The following GSK3B variants were observed in gnomAD, a reference collection of about 807,000 sequenced individuals.
The protein encoded by GSK3B is glycogen synthase kinase-3 beta.
In GSK3B, 15 loss-of-function variants were observed where a neutral mutation model predicts 56.4. The observed-to-expected ratio is 0.27, with a 90% CI of 0.18 to 0.41. The LOEUF (loss-of-function observed/expected upper bound fraction) is 0.41. GSK3B is among the 10% of genes least tolerant of loss of function. The pLI, the probability that GSK3B is intolerant of heterozygous loss-of-function variation, is 1.00. For synonymous variants in GSK3B, 181 were observed against 188.9 expected, an observed-to-expected ratio of 0.96 and a Z score of 0.34; for missense variants, 300 against 513.4, an observed-to-expected ratio of 0.58 and a Z score of 4.02.
intron 1 of GSK3B, among the ~76,000 whole-genome samples, chr3:120,028,355 T>A (rs1487590081): frequency 6.6e-6 from 1 of 152,166 alleles, no homozygotes; most frequent in Non-Finnish European, 1.5e-5. Context: ...CTGAGACAGA[T>A]TTACCTCACG....
At chr3:120,054,077 T>C (rs1384386853) in intron 1 of GSK3B, among the ~76,000 whole-genome samples, 3 of 152,188 alleles carry the variant, frequency 2.0e-5, no homozygotes, top group Non-Finnish European at 4.4e-5. Context: ...GTAGCTGAAA[T>C]ATCATAAAGG....
At chr3:119,991,494 C>T (rs1046707554) in intron 2 of GSK3B, among the ~76,000 whole-genome samples, 3 of 136,792 alleles carry the variant, frequency 2.2e-5, no homozygotes, top group African/African-American at 8.2e-5. Context: ...CATTATCTCT[C>T]ATCTTTACTA....
intron 7 of GSK3B, among the ~76,000 whole-genome samples, chr3:119,897,793 CAAAA>C (rs11464173): frequency 1.4e-5 from 1 of 73,132 alleles, no homozygotes; most frequent in Non-Finnish European, 3.1e-5. Flanking sequence ...GACTCTGTCT[CAAAA>C]AAAAAAAAAA....
At chr3:120,039,967 C>T (rs1343441858) in intron 1 of GSK3B, among the ~76,000 whole-genome samples, 1 of 152,194 alleles carries the variant, frequency 6.6e-6, no homozygotes, top group Non-Finnish European at 1.5e-5. Context: ...TGCCTCGTTG[C>T]AGCAGCCTCA....
At chr3:120,086,109 C>T (rs1462597972) in intron 1 of GSK3B, among the ~76,000 whole-genome samples, 1 of 151,848 alleles carries the variant, frequency 6.6e-6, no homozygotes, top group Non-Finnish European at 1.5e-5. Context: ...GCTTAAATGA[C>T]TCCATGCAGT....
intron 4 of GSK3B, among the ~76,000 whole-genome samples, chr3:119,918,847 C>T (rs1330139429): frequency 1.3e-5 from 2 of 152,108 alleles, no homozygotes; most frequent in African/African-American, 4.8e-5. Context: ...TGCAGTTGAG[C>T]ACAATTTGAA....
chr3:119,927,785 C>CT (rs1351317713), intron 3 of GSK3B, among the ~76,000 whole-genome samples: 4 of 151,928 alleles, frequency 2.6e-5, no homozygotes, highest in Admixed American at 2.6e-4. Context: ...AAGGAAAGGA[C>CT]TGAGTATGGA....
At position 120,094,019 on chromosome 3, in the gene GSK3B, G is replaced by A. The variant is rs879110197; in HGVS notation, c.-585C>T. 4.5e-6 allele frequency: 1 copy of A among 221,162 alleles called. No homozygotes were observed. Among genetic ancestry groups the A allele is most frequent in the Middle Eastern group, 1.4e-3 (1 of 696 alleles). 13.7% of individuals were successfully genotyped at this position (221,162 alleles called of 1,614,324 possible). On this transcript the variant is annotated 5_prime_UTR_variant, in exon 1 of 11. Coordinates refer to ENST00000264235, the MANE Select transcript of GSK3B (RefSeq NM_001146156.2). ...GCCCGGCGAACTAGAGGGCGGCGGA[G>A]TCGCGAGTCAGTCAGAGGCGGGCGG...
At chr3:119,995,947 A>T (rs1241571362) in intron 2 of GSK3B, among the ~76,000 whole-genome samples, 3 of 152,068 alleles carry the variant, frequency 2.0e-5, no homozygotes, top group African/African-American at 4.8e-5. Flanking sequence ...CATGTTGGCC[A>T]GGCTGGTCTC....
chr3:119,948,110 A>C (rs925853680), intron 2 of GSK3B, among the ~76,000 whole-genome samples: 1 of 152,262 alleles, frequency 6.6e-6, no homozygotes, highest in African/African-American at 2.4e-5. Context: ...ACTGACAGAA[A>C]TCCACTTAAT....
In GSK3B at chr3:119,942,335, G is replaced by T. The variant is rs2057057830; in HGVS notation, c.366+4933C>A. ...TTTTTTGAGACGGAGTTTCACTGTT[G>T]TTGCCCAGGCTGGAGTACAATGGGG... On this transcript the variant is annotated intron_variant, in intron 3 of 10. Coordinates refer to ENST00000264235, the MANE Select transcript of GSK3B (RefSeq NM_001146156.2). 1.3e-5 allele frequency among the ~76,000 whole-genome samples: 2 copies of T among 152,010 alleles called. 1 individual carries two copies. Among genetic ancestry groups the T allele is most frequent in the South Asian group, 4.1e-4 (2 of 4,822 alleles).
intron 2 of GSK3B, among the ~76,000 whole-genome samples, chr3:119,978,026 G>C (rs964709341): frequency 6.6e-6 from 1 of 152,150 alleles, no homozygotes; most frequent in African/African-American, 2.4e-5. Context: ...GTGAAATTGA[G>C]GGTCATAAAT....
chr3:119,904,840 A>C (rs140167478), intron 7 of GSK3B, among the ~76,000 whole-genome samples: 232 of 152,198 alleles, frequency 1.5e-3, no homozygotes, highest in Middle Eastern at 3.4e-3. Context: ...TCAATTTTAC[A>C]ATTCTATGCA....
rs1162358136 is a variant in GSK3B at position 119,833,687 on chromosome 3, G to GTTTT, written c.1196-6833_1196-6832insAAAA. 1.1e-4 allele frequency among the ~76,000 whole-genome samples: 15 copies of GTTTT among 133,448 alleles called. 1 individual carries two copies. The highest frequency in any genetic ancestry group is 4.1e-4 in the African/African-American group (14 of 34,102). 87.5% of individuals were successfully genotyped at this position (133,448 alleles called of 152,430 possible). A position where few individuals can be genotyped will look rare whatever the true frequency, so the allele number is the denominator to read the frequency against. Reference sequence around the variant, plus strand: ...TTATAAGTACACTTGGAAACATTAGGTTGTTTTTTTTTTTTTTTTTTTTTT... The same window carrying GTTTT: ...TTATAAGTACACTTGGAAACATTAGGTTTTTTGTTTTTTTTTTTTTTTTTTTTTT... On this transcript the variant is annotated intron_variant, in intron 10 of 10. Transcript: ENST00000264235.
At chr3:120,082,963 A>C (rs1042131315) in intron 1 of GSK3B, among the ~76,000 whole-genome samples, 2 of 151,816 alleles carry the variant, frequency 1.3e-5, no homozygotes, top group African/African-American at 4.8e-5. Context: ...CTCTAGTCTA[A>C]ACAATTACTT....
At chr3:120,056,609 G>A (rs2058193173) in intron 1 of GSK3B, among the ~76,000 whole-genome samples, 1 of 152,114 alleles carries the variant, frequency 6.6e-6, no homozygotes. Context: ...CAAAGTGCTG[G>A]TATACAGACA....
intron 1 of GSK3B, among the ~76,000 whole-genome samples, chr3:120,059,282 A>G (rs1002887048): frequency 6.6e-6 from 1 of 152,206 alleles, no homozygotes; most frequent in African/African-American, 2.4e-5. Flanking sequence ...ACAAACATTT[A>G]TATCTTCTTC....
intron 9 of GSK3B, among the ~76,000 whole-genome samples, chr3:119,848,489 T>C (rs2055886224): frequency 6.6e-6 from 1 of 152,128 alleles, no homozygotes; most frequent in Admixed American, 6.6e-5. Flanking sequence ...TTCAGCACAA[T>C]TCAGCATCTA....
chr3:120,078,914 TACAC>T lies in GSK3B; in HGVS notation c.88+14429_88+14432del, dbSNP rs57127586. Among the ~76,000 whole-genome samples the T allele has an allele frequency of 9.3e-3, 1,284 of 138,296 alleles. 6 individuals carry two copies. The highest frequency in any genetic ancestry group is 0.019 in the Middle Eastern group (5 of 262). 90.7% of individuals were successfully genotyped at this position (138,296 alleles called of 152,430 possible). A position where few individuals can be genotyped will look rare whatever the true frequency, so the allele number is the denominator to read the frequency against. ...AATTTTCTACAATTTGACAGGAAAT[TACAC>T]ACACACACACACACACACACACACA... is the stretch of plus-strand genomic sequence containing the variant. On this transcript the variant is annotated intron_variant, in intron 1 of 10. Coordinates refer to ENST00000264235, the MANE Select transcript of GSK3B (RefSeq NM_001146156.2).
Sources: allele counts gnomAD v4.1 joint callset (sites outside exome capture counted in the v4.1 genomes callset), GRCh38; gene constraint gnomAD v4.1.1; transcripts MANE v1.5; gene names NCBI Gene and HGNC (gene_info 2026-07-23, HGNC 2026-07-21).